Variants in TJP1 observed in about 807,000 individuals in gnomAD.
The protein encoded by TJP1 is tight junction protein 1.
A neutral mutation model predicts 194.2 loss-of-function variants in TJP1; 43 were observed. That is an observed-to-expected ratio of 0.22 (90% CI 0.17 to 0.29). TJP1 has a LOEUF of 0.29. Ranked by LOEUF, TJP1 falls within the 10% of genes least tolerant of loss-of-function variation. The probability of loss-of-function intolerance (pLI) is 1.00; values close to 1 mark genes in which losing one functional copy is unlikely to be tolerated. For synonymous variants in TJP1, 801 were observed against 779.0 expected, an observed-to-expected ratio of 1.03 and a Z score of -0.47; for missense variants, 1,971 against 2,185.7, an observed-to-expected ratio of 0.90 and a Z score of 1.96.
intron 2 of TJP1, among the ~76,000 whole-genome samples, chr15:29,953,648 T>G (rs1169901892): frequency 6.6e-6 from 1 of 152,186 alleles, no homozygotes; most frequent in East Asian, 1.9e-4. Context: ...AAATGAAACA[T>G]GCGCATTGTG....
intron 1 of TJP1, among the ~76,000 whole-genome samples, chr15:29,820,159 C>CTTT (rs34650430): frequency 3.7e-5 from 5 of 135,048 alleles, no homozygotes; most frequent in East Asian, 2.1e-4. Context: ...TTAATGTTGC[C>CTTT]TTTTTTTTTT....
intron 8 of TJP1, among the ~76,000 whole-genome samples, chr15:29,752,265 G>A (rs1042461195): frequency 4.6e-5 from 7 of 152,094 alleles, no homozygotes; most frequent in African/African-American, 1.4e-4. Context: ...ACCACGCCTA[G>A]CTAATTTTGG....
At chr15:29,953,121 C>CT (rs1208491355) in intron 2 of TJP1, among the ~76,000 whole-genome samples, 1 of 125,418 alleles carries the variant, frequency 8.0e-6, no homozygotes, top group Non-Finnish European at 1.7e-5. Flanking sequence ...CCTCTTCCTT[C>CT]TTTCATAAAA....
At chr15:29,767,420 T>C (rs45470998) in intron 4 of TJP1, among the ~76,000 whole-genome samples, 117 of 152,302 alleles carry the variant, frequency 7.7e-4, no homozygotes, top group African/African-American at 2.6e-3. Flanking sequence ...AATTCCTTCA[T>C]CTTAGTTCAT....
chr15:29,901,759 T>C (rs1447940271), intron 2 of TJP1, among the ~76,000 whole-genome samples: 1 of 150,140 alleles, frequency 6.7e-6, no homozygotes, highest in African/African-American at 2.5e-5. Flanking sequence ...AGGTGAAGGA[T>C]GCAGTGAGCC....
intron 2 of TJP1, among the ~76,000 whole-genome samples, chr15:29,947,006 C>G (rs2055308447): frequency 6.6e-6 from 1 of 152,182 alleles, no homozygotes. Flanking sequence ...TGTATTTTAA[C>G]CATTTGGCTG....
At chr15:29,788,174 A>G (rs897960078) in intron 2 of TJP1, among the ~76,000 whole-genome samples, 1 of 152,178 alleles carries the variant, frequency 6.6e-6, no homozygotes, top group African/African-American at 2.4e-5. Flanking sequence ...TTTATTGTTC[A>G]GTTATAAAAG....
intron 2 of TJP1, among the ~76,000 whole-genome samples, chr15:29,870,083 C>G (rs2052458544): frequency 1.3e-5 from 2 of 151,836 alleles, no homozygotes; most frequent in Admixed American, 1.3e-4. Flanking sequence ...ACCCCGCCCC[C>G]CACCGCCCAG....
At chr15:29,832,456 G>T (rs2050866593) in intron 2 of TJP1, among the ~76,000 whole-genome samples, 1 of 152,170 alleles carries the variant, frequency 6.6e-6, no homozygotes, top group South Asian at 2.1e-4. Context: ...TTTTTAATAT[G>T]CTAAATACTG....
rs2043265656 is a variant in TJP1 at position 29,726,765 on chromosome 15, T to G, written c.2311+16A>C. The G allele has an allele frequency of 6.2e-7, 1 of 1,611,868 alleles. No individual in the cohort carries two copies. Among genetic ancestry groups the G allele is most frequent in the Non-Finnish European group, 8.5e-7 (1 of 1,178,332 alleles). On this transcript the variant is annotated intron_variant, in intron 17 of 27. Coordinates refer to ENST00000614355, the MANE Select transcript of TJP1 (RefSeq NM_001330239.4). ...GACATTGTAAGCTGAAAGAAGGCCT[T>G]TATTAACATACTCACTTGTAAAAAG...
At chr15:29,783,085 C>T (rs2047472400) in intron 2 of TJP1, among the ~76,000 whole-genome samples, 1 of 151,972 alleles carries the variant, frequency 6.6e-6, no homozygotes, top group Non-Finnish European at 1.5e-5. Context: ...GCCAGCCTGA[C>T]TAACATGGGG....
chr15:29,766,094 G>A (rs10775231), intron 5 of TJP1, among the ~76,000 whole-genome samples, 172 bp downstream of exon 5: 121,805 of 152,168 alleles, frequency 0.8, 49,286 homozygotes, highest in East Asian at 0.96. Context: ...CTGTTCCAAC[G>A]GAAAAAATGA....
rs1384247205 is a variant in TJP1, at chr15:29,718,956, C to T, written c.3186G>A (p.Glu1062=). 6.2e-7 allele frequency: 1 copy of T among 1,613,992 alleles called. No homozygotes were observed. The change falls in exon 21 of 28, where the codon GAG becomes GAA. Residue 1062 remains glutamate (E), a synonymous_variant. Coordinates refer to ENST00000614355, the MANE Select transcript of TJP1 (RefSeq NM_001330239.4). ...RDLEQPTYRY[E]SSSYTDQFSR... ...AAAACTGGTCCGTATAGCTTGAGGA[C>T]TCGTATCTGTATGTGGGCTGCTCGA...
chr15:29,827,238 T>C (rs1293439621), upstream of TJP1, among the ~76,000 whole-genome samples: 2 of 152,200 alleles, frequency 1.3e-5, no homozygotes, highest in Admixed American at 6.5e-5. Context: ...TACCATCTGC[T>C]GTGGGTTGGA....
intron 1 of TJP1, among the ~76,000 whole-genome samples, chr15:29,965,642 G>A (rs1234719305): frequency 6.6e-6 from 1 of 152,128 alleles, no homozygotes; most frequent in African/African-American, 2.4e-5. Flanking sequence ...ACATATGATG[G>A]TGCCTTATGT....
At chr15:29,930,963 G>A (rs897011369) in intron 2 of TJP1, among the ~76,000 whole-genome samples, 2 of 152,106 alleles carry the variant, frequency 1.3e-5, no homozygotes, top group Non-Finnish European at 2.9e-5. Flanking sequence ...TGAGCGTTAG[G>A]AGTGCTGACC....
chr15:29,741,480 G>T, intron 9 of TJP1, 44 bp from the exon 10 acceptor site: 1 of 1,348,164 alleles, frequency 7.4e-7, no homozygotes, highest in Non-Finnish European at 1.1e-6. Context: ...AGAAAAACAT[G>T]GAATAATAAT....
intron 1 of TJP1, among the ~76,000 whole-genome samples, chr15:29,961,797 A>T (rs2056174875): frequency 6.6e-6 from 1 of 152,132 alleles, no homozygotes; most frequent in Admixed American, 6.6e-5. Flanking sequence ...TCCCGAGGTA[A>T]GAGAGGAAGC....
intron 4 of TJP1, among the ~76,000 whole-genome samples, chr15:29,769,708 T>C (rs75857287): frequency 6.6e-6 from 1 of 152,162 alleles, no homozygotes; most frequent in African/African-American, 2.4e-5. Context: ...CACAGGGTCA[T>C]AATGTCGTGG....
Sources: gnomAD v4.1 joint callset for allele counts (sites outside exome capture counted in the v4.1 genomes callset) on GRCh38, gnomAD v4.1.1 for gene constraint, MANE v1.5 for transcripts, NCBI Gene and HGNC (gene_info 2026-07-23, HGNC 2026-07-21) for gene names.